TSPEAR: variants seen among roughly 807,000 people sequenced by gnomAD.
The protein encoded by TSPEAR is thrombospondin-type laminin G domain and EAR repeat-containing protein.
In TSPEAR, 69 loss-of-function variants were observed where a neutral mutation model predicts 71.6. The observed-to-expected ratio is 0.96, with a 90% confidence interval of 0.79 to 1.18. TSPEAR has a LOEUF of 1.18. Among genes scored for constraint, TSPEAR ranks in the 50% most tolerant of loss-of-function variants. TSPEAR has a pLI of 0.00. For synonymous variants in TSPEAR, 402 were observed against 387.2 expected, an observed-to-expected ratio of 1.04 and a Z score of -0.45; for missense variants, 971 against 894.9, an observed-to-expected ratio of 1.09 and a Z score of -1.09.
chr21:44,688,829 G>A (rs1177740387), intron 1 of TSPEAR, among the ~76,000 whole-genome samples: 2 of 152,190 alleles, frequency 1.3e-5, no homozygotes, highest in Admixed American at 6.5e-5. Flanking sequence ...CCAGCGGAAG[G>A]GGAGTGGGGA....
chr21:44,524,294 T>G (rs2052801514), intron 8 of TSPEAR, among the ~76,000 whole-genome samples: 2 of 149,896 alleles, frequency 1.3e-5, no homozygotes, highest in African/African-American at 2.5e-5. Flanking sequence ...CAACTAATCA[T>G]TCAGTCAGTC....
At chr21:44,578,529 G>A (rs587744389) in intron 1 of TSPEAR, among the ~76,000 whole-genome samples, 1 of 152,268 alleles carries the variant, frequency 6.6e-6, no homozygotes, top group East Asian at 1.9e-4. Context: ...CAGTGTCGGC[G>A]AGGGTGCTAG....
chr21:44,541,058 C>T (rs1236850375), intron 2 of TSPEAR, among the ~76,000 whole-genome samples: 1 of 151,336 alleles, frequency 6.6e-6, no homozygotes, highest in South Asian at 2.1e-4. Context: ...CAGGCGTGAG[C>T]CCGGTGCCTG....
chr21:44,705,637 A>G (rs1555952203), intron 1 of TSPEAR, among the ~76,000 whole-genome samples: 1 of 152,198 alleles, frequency 6.6e-6, no homozygotes, highest in Non-Finnish European at 1.5e-5. Flanking sequence ...AGTCTCCCAT[A>G]GCACTCCCAG....
chr21:44,707,305 G>GGGGT (rs1555952620), intron 1 of TSPEAR, among the ~76,000 whole-genome samples: 2 of 152,050 alleles, frequency 1.3e-5, no homozygotes, highest in African/African-American at 4.8e-5. Flanking sequence ...CGCGGGGTGG[G>GGGGT]GGGGGGTGCG....
At chr21:44,635,205 G>C (rs376573380) in intron 1 of TSPEAR, among the ~76,000 whole-genome samples, 1 of 152,088 alleles carries the variant, frequency 6.6e-6, no homozygotes, top group South Asian at 2.1e-4. Context: ...AATTAGCTGG[G>C]TGTGGTGGTG....
chr21:44,565,514 C>T (rs1207835275), intron 2 of TSPEAR, among the ~76,000 whole-genome samples: 1 of 152,302 alleles, frequency 6.6e-6, no homozygotes, highest in East Asian at 1.9e-4. Context: ...AAGAGTTATA[C>T]ACCATGGCTA....
At chr21:44,541,101 C>T (rs2053215630) in intron 2 of TSPEAR, among the ~76,000 whole-genome samples, 1 of 151,672 alleles carries the variant, frequency 6.6e-6, no homozygotes, top group Non-Finnish European at 1.5e-5. Context: ...CACGTGTCTT[C>T]CCTGTTCCTG....
chr21:44,554,883 C>T (rs1432239701), intron 2 of TSPEAR, among the ~76,000 whole-genome samples: 4 of 152,072 alleles, frequency 2.6e-5, no homozygotes, highest in Non-Finnish European at 5.9e-5. Context: ...GACTGAGAAG[C>T]GGGTGGGGGT....
At chr21:44,667,903 A>T (rs1555945192) in intron 1 of TSPEAR, among the ~76,000 whole-genome samples, 1 of 152,252 alleles carries the variant, frequency 6.6e-6, no homozygotes, top group African/African-American at 2.4e-5. Context: ...CTAAGAATAG[A>T]AGAAAACTAC....
intron 2 of TSPEAR, among the ~76,000 whole-genome samples, chr21:44,544,974 G>C (rs1186802445): frequency 6.6e-6 from 1 of 151,568 alleles, no homozygotes; most frequent in Non-Finnish European, 1.5e-5. Context: ...GAAATAGACA[G>C]TTCTGGTTCT....
chr21:44,637,502 C>T, intron 1 of TSPEAR: 2 of 1,613,130 alleles, frequency 1.2e-6, no homozygotes, highest in Admixed American at 3.3e-5. Context: ...CTGCTGCGAG[C>T]CCTGCTGCTG....
chr21:44,575,713 C>T (rs1403682039), intron 1 of TSPEAR, among the ~76,000 whole-genome samples: 7 of 152,182 alleles, frequency 4.6e-5, no homozygotes, highest in African/African-American at 1.7e-4. Flanking sequence ...CCAAATGCCT[C>T]CCTAGCTTCA....
intron 1 of TSPEAR, among the ~76,000 whole-genome samples, chr21:44,683,052 C>T (rs1407509923): frequency 2.6e-5 from 4 of 152,162 alleles, no homozygotes; most frequent in East Asian, 1.9e-4. Context: ...GACATCCAGC[C>T]GAGACCCCCT....
intron 1 of TSPEAR, among the ~76,000 whole-genome samples, chr21:44,692,870 C>T (rs1987177825): frequency 6.6e-6 from 1 of 151,718 alleles, no homozygotes; most frequent in Non-Finnish European, 1.5e-5. Flanking sequence ...TCTTCAAGCA[C>T]ATATGGATTA....
At chr21:44,643,490 G>A (rs1984132306) in intron 1 of TSPEAR, among the ~76,000 whole-genome samples, 1 of 152,126 alleles carries the variant, frequency 6.6e-6, no homozygotes, top group African/African-American at 2.4e-5. Context: ...CACACAATGT[G>A]TACATGTATC....
intron 1 of TSPEAR, among the ~76,000 whole-genome samples, chr21:44,699,176 G>A (rs782539232): frequency 2.6e-5 from 4 of 151,856 alleles, no homozygotes; most frequent in South Asian, 2.1e-4. Context: ...CAGCCTGGAC[G>A]ACAGAGTGAG....
chr21:44,600,569 CTCAT>C (rs56695242), intron 1 of TSPEAR: 124,101 of 1,572,076 alleles, frequency 0.079, 8,643 homozygotes, highest in African/African-American at 0.37. Flanking sequence ...GACTCACTCA[CTCAT>C]TCACTCACTC....
rs1555915039 is a variant in TSPEAR, at chr21:44,527,309, A to G, written c.1132T>C (p.Phe378Leu). ...PTHQAQAWRHFTIGKKIFLAV... is the reference protein window; with the variant it reads ...PTHQAQAWRHLTIGKKIFLAV... ...AGACTTGCCTTTTTCCCGATGGTGA[A>G]ATGCCTCCAGGCCTGTGCTTGGTGC... is the stretch of plus-strand genomic sequence containing the variant. Residue 378 changes from phenylalanine to leucine, a missense_variant, in exon 7 of 12, where the codon TTC becomes CTC. By Grantham distance (22) the Phe-to-Leu change is conservative (BLOSUM62 0). Coordinates refer to ENST00000323084, the MANE Select transcript of TSPEAR (RefSeq NM_144991.3). The G allele has an allele frequency of 6.2e-7, 1 of 1,614,196 alleles. No homozygotes were observed. The highest frequency in any genetic ancestry group is 2.2e-5 in the East Asian group (1 of 44,880).
Sources: allele counts gnomAD v4.1 joint callset (sites outside exome capture counted in the v4.1 genomes callset), GRCh38; gene constraint gnomAD v4.1.1; transcripts MANE v1.5; gene names NCBI Gene and HGNC (gene_info 2026-07-23, HGNC 2026-07-21).